Variants in PLAGL1 observed in about 807,000 individuals in gnomAD.
PLAGL1 encodes zinc finger protein PLAGL1.
Under a neutral mutation model 4.6 loss-of-function variants are expected in PLAGL1, and 1 was observed. The observed-to-expected ratio is 0.22, with a 90% confidence interval of 0.08 to 1.03. The LOEUF is 1.03. PLAGL1 is among the 50% of genes least tolerant of loss of function. The probability of loss-of-function intolerance (pLI) is 0.58; values close to 1 mark genes in which losing one functional copy is unlikely to be tolerated. For synonymous variants in PLAGL1, 240 were observed against 237.8 expected (o/e 1.01, Z -0.08); for missense variants, 464 against 570.4 (o/e 0.81, Z 1.90).
At position 143,983,535 on chromosome 6, in the gene PLAGL1, G is replaced by T. The variant is rs1211383284; in HGVS notation, c.-544+1600C>A. ...TAAGCTTTAAATTGAGCATGGCTGG[G>T]TATCTTTCTCCAGCTACGTTCAGCT... On this transcript the variant is annotated intron_variant, in intron 2 of 7. Coordinates refer to ENST00000674357, the MANE Select transcript of PLAGL1 (RefSeq NM_001317162.2). The surrounding 1 kb of genome is among the most constrained non-coding windows in gnomAD (Gnocchi z 6.6). Among the ~76,000 whole-genome samples the T allele has an allele frequency of 2.6e-5, 4 of 152,098 alleles. No homozygotes were observed. Among genetic ancestry groups the T allele is most frequent in the Non-Finnish European group, 4.4e-5 (3 of 68,008 alleles).
chr6:144,060,194 T>C (rs572650836), intron 1 of PLAGL1, among the ~76,000 whole-genome samples: 1 of 152,188 alleles, frequency 6.6e-6, no homozygotes, highest in East Asian at 1.9e-4. Context: ...ACTACAGGCG[T>C]AGTCCACCAT....
chr6:144,045,760 T>G (rs1255437907), intron 1 of PLAGL1, among the ~76,000 whole-genome samples: 1 of 152,172 alleles, frequency 6.6e-6, no homozygotes, highest in Non-Finnish European at 1.5e-5. Flanking sequence ...GGAAGTTCTC[T>G]TGGATAATAT....
Position 143,957,835 on chromosome 6 carries a change from A to G in PLAGL1, c.-325+2634T>C, listed in dbSNP as rs1782476870. On this transcript the variant is annotated intron_variant, in intron 6 of 7. Transcript: ENST00000674357. This position sits in a 1 kb window ranked among gnomAD's most constrained non-coding sequence, Gnocchi z 4.2. ...AATAAACAGAAAAAGGCCTTGAAGT[A>G]CAGATAACTACATGGGAGCAGGGTA... Among the ~76,000 whole-genome samples the G allele has an allele frequency of 6.6e-6, 1 of 152,236 alleles. No individual in the cohort carries two copies. Among genetic ancestry groups the G allele is most frequent in the East Asian group, 1.9e-4 (1 of 5,208 alleles).
intron 1 of PLAGL1, among the ~76,000 whole-genome samples, chr6:144,024,251 A>G (rs1354061912): frequency 1.3e-5 from 2 of 152,184 alleles, no homozygotes; most frequent in Non-Finnish European, 2.9e-5. Context: ...TTATTCTCCA[A>G]TAAAAGGAAC....
rs1172379449 is a variant in PLAGL1, at chr6:144,000,589, T to C, written c.-584+7501A>G. 3.3e-5 allele frequency among the ~76,000 whole-genome samples: 5 copies of C among 152,270 alleles called. No homozygotes were observed. Among genetic ancestry groups the C allele is most frequent in the South Asian group, 2.1e-4 (1 of 4,832 alleles). ...TACCCATTCTTCTCATATTGATCTA[T>C]AAATTCAAAGCCATTTCTATAAAAA... is the stretch of plus-strand genomic sequence containing the variant. On this transcript the variant is annotated intron_variant, in intron 1 of 7. Transcript: ENST00000674357. The surrounding 1 kb of genome is among the most constrained non-coding windows in gnomAD (Gnocchi z 4.1).
chr6:143,958,811 T>C lies in PLAGL1; in HGVS notation c.-325+1658A>G, dbSNP rs943305210. 1.8e-4 allele frequency among the ~76,000 whole-genome samples: 27 copies of C among 152,270 alleles called. No homozygotes were observed. Among genetic ancestry groups the C allele is most frequent in the South Asian group, 6.2e-4 (3 of 4,828 alleles). On this transcript the variant is annotated intron_variant, in intron 6 of 7. Coordinates refer to ENST00000674357, the MANE Select transcript of PLAGL1 (RefSeq NM_001317162.2). The surrounding 1 kb of genome is among the most constrained non-coding windows in gnomAD (Gnocchi z 5.1). ...AGGCAAGTTTTCCAAGCGACAACAC[T>C]GGCTTTTCTGAAAGGGGAAAGGAAT...
chr6:144,029,629 T>C (rs569361165), intron 1 of PLAGL1, among the ~76,000 whole-genome samples: 43 of 152,332 alleles, frequency 2.8e-4, no homozygotes, highest in African/African-American at 9.6e-4. Context: ...GATTCAAAAA[T>C]CTTAACACAT....
intron 7 of PLAGL1, among the ~76,000 whole-genome samples, chr6:143,946,845 G>A (rs1201512582): frequency 6.6e-6 from 1 of 152,186 alleles, no homozygotes; most frequent in African/African-American, 2.4e-5. Context: ...AGTATCAAAA[G>A]CAGCACGTGT....
rs1434818852 is a variant in PLAGL1, at chr6:143,958,218, G to T, written c.-325+2251C>A. On this transcript the variant is annotated intron_variant, in intron 6 of 7. Coordinates refer to ENST00000674357, the MANE Select transcript of PLAGL1 (RefSeq NM_001317162.2). The surrounding 1 kb of genome is among the most constrained non-coding windows in gnomAD (Gnocchi z 5.1). ...ACAGATGAATTGCAGAGAGGAAAAAGTTACATATAATCACTTATCCCTCCC... is the reference window on the plus strand; with the variant it reads ...ACAGATGAATTGCAGAGAGGAAAAATTTACATATAATCACTTATCCCTCCC... 2.0e-5 allele frequency among the ~76,000 whole-genome samples: 3 copies of T among 152,194 alleles called. No homozygotes were observed. Among genetic ancestry groups the T allele is most frequent in the African/African-American group, 7.2e-5 (3 of 41,436 alleles).
chr6:144,013,706 A>G lies in PLAGL1; in HGVS notation c.-150-44728T>C, dbSNP rs1394020862. On this transcript the variant is annotated intron_variant, in intron 1 of 3. Transcript: ENST00000437412. The surrounding 1 kb of genome is among the most constrained non-coding windows in gnomAD (Gnocchi z 4.4). The stretch of plus-strand genomic sequence containing the variant: ...CCTTGGCTTGCGGCCACAGCATGCC[A>G]ATCTCTGCCTCCATCTTCACAACGC... Among the ~76,000 whole-genome samples, 1 of 152,186 alleles carries G rather than the reference A, an allele frequency of 6.6e-6. No homozygotes were observed. The highest frequency in any genetic ancestry group is 1.5e-5 in the Non-Finnish European group (1 of 68,022).
intron 1 of PLAGL1, among the ~76,000 whole-genome samples, chr6:143,988,552 T>A (rs183937495): frequency 2.0e-5 from 3 of 152,326 alleles, no homozygotes; most frequent in East Asian, 1.9e-4. Context: ...GAAGATGATA[T>A]CCTTTATTGT....
chr6:144,030,869 G>A (rs747383807), intron 1 of PLAGL1, among the ~76,000 whole-genome samples: 14 of 152,258 alleles, frequency 9.2e-5, no homozygotes, highest in African/African-American at 2.6e-4. Flanking sequence ...GTGGAATTGC[G>A]GATCAAATGG....
Position 144,022,547 on chromosome 6 carries a change from C to T in PLAGL1, c.-151+41921G>A, listed in dbSNP as rs560242272. The stretch of plus-strand genomic sequence containing the variant: ...ACCCAAATCTCATCTTGAATTGTAG[C>T]TCCCATAATTCCCATGTGTTGTGGG... On this transcript the variant is annotated intron_variant, in intron 1 of 3. Coordinates refer to the PLAGL1 transcript ENST00000437412. This position sits in a 1 kb window ranked among gnomAD's most constrained non-coding sequence, Gnocchi z 4.2. 6.6e-6 allele frequency among the ~76,000 whole-genome samples: 1 copy of T among 152,332 alleles called. No homozygotes were observed. Among genetic ancestry groups the T allele is most frequent in the South Asian group, 2.1e-4 (1 of 4,824 alleles).
rs758839660 is a variant in PLAGL1 at position 143,942,337 on chromosome 6, T to C, written c.479A>G (p.His160Arg). 4 of 1,613,978 alleles carry C rather than the reference T, an allele frequency of 2.5e-6. No homozygotes were observed. The highest frequency in any genetic ancestry group is 3.4e-6 in the Non-Finnish European group (4 of 1,179,982). ...GTKEKKHQCDHCERCFYTRKD... is the reference protein window; with the variant it reads ...GTKEKKHQCDRCERCFYTRKD... The stretch of plus-strand genomic sequence containing the variant: ...CCGGGTGTAGAAGCATCTTTCACAG[T>C]GGTCGCACTGGTGCTTCTTTTCCTT... The change falls in exon 8 of 8, where the codon CAC becomes CGC. Residue 160 changes from histidine to arginine, a missense_variant. By Grantham distance (29) the His-to-Arg change is conservative. Around this residue, in one of 4 missense-constraint regions of PLAGL1, gnomAD observed 35 missense variants for 77.3 expected, o/e 0.45. Transcript: ENST00000674357. This position sits in a 1 kb window ranked among gnomAD's most constrained non-coding sequence, Gnocchi z 7.6.
In PLAGL1 at chr6:144,061,930, G is replaced by A. The variant is rs1306880116; in HGVS notation, c.-151+2538C>T. 1.3e-5 allele frequency among the ~76,000 whole-genome samples: 2 copies of A among 152,168 alleles called. No homozygotes were observed. The highest frequency in any genetic ancestry group is 1.3e-4 in the Admixed American group (2 of 15,274). On this transcript the variant is annotated intron_variant, in intron 1 of 3. Transcript: ENST00000437412. The surrounding 1 kb of genome is among the most constrained non-coding windows in gnomAD (Gnocchi z 4.4). ...TGAAAGTGCATGCAATTAAAACAAT[G>A]TATCAATTATATTTACTATGAATGT...
chr6:143,961,764 T>A lies in PLAGL1; in HGVS notation c.-398-1222A>T, dbSNP rs1292685165. On this transcript the variant is annotated intron_variant, in intron 5 of 7. Coordinates refer to ENST00000674357, the MANE Select transcript of PLAGL1 (RefSeq NM_001317162.2). The surrounding 1 kb of genome is among the most constrained non-coding windows in gnomAD (Gnocchi z 6.5). ...TTTTGAAAGAGCTTTAAAAAGACATTAAAGCAAAAGAGTAAAATTCTTCCG... is the reference window on the plus strand; with the variant it reads ...TTTTGAAAGAGCTTTAAAAAGACATAAAAGCAAAAGAGTAAAATTCTTCCG... Among the ~76,000 whole-genome samples the A allele has an allele frequency of 1.3e-5, 2 of 152,170 alleles. No homozygotes were observed. The highest frequency in any genetic ancestry group is 6.5e-5 in the Admixed American group (1 of 15,280).
chr6:143,946,863 C>T (rs1200839251), intron 7 of PLAGL1, among the ~76,000 whole-genome samples: 7 of 152,186 alleles, frequency 4.6e-5, no homozygotes, highest in Non-Finnish European at 8.8e-5. Context: ...TGTGAGTGGA[C>T]GCACTATGTG....
intron 1 of PLAGL1, among the ~76,000 whole-genome samples, chr6:144,024,919 G>A (rs892283583): frequency 2.0e-5 from 3 of 152,142 alleles, no homozygotes; most frequent in African/African-American, 7.2e-5. Context: ...AGGAGGAAGA[G>A]ACAAATCCTG....
intron 1 of PLAGL1, among the ~76,000 whole-genome samples, chr6:144,043,114 C>T (rs1797864679): frequency 6.6e-6 from 1 of 152,182 alleles, no homozygotes; most frequent in South Asian, 2.1e-4. Flanking sequence ...ATCATATCAT[C>T]TGGAAACAGG....
Sources: gnomAD v4.1 joint callset for allele counts (sites outside exome capture counted in the v4.1 genomes callset) on GRCh38, gnomAD v4.1.1 for gene constraint, gnomAD v4.1.1 regional missense constraint, Gnocchi (gnomAD v3.1) non-coding constraint, MANE v1.5 for transcripts, NCBI Gene and HGNC (gene_info 2026-07-23, HGNC 2026-07-21) for gene names.